The following STRN3 variants were observed in gnomAD, a reference collection of about 807,000 sequenced individuals.
The protein encoded by STRN3 is striatin-3.
A neutral mutation model predicts 95.6 loss-of-function variants in STRN3; 29 were observed. The ratio of observed to expected loss-of-function variants is 0.30; its 90% confidence interval spans 0.23 to 0.41. The LOEUF is 0.41. Among genes scored for constraint, STRN3 ranks in the 10% least tolerant of loss-of-function variants. STRN3 has a pLI of 1.00. For synonymous variants in STRN3, 331 were observed against 357.6 expected (o/e 0.93, Z 0.84); for missense variants, 890 against 972.1 (o/e 0.92, Z 1.12).
intron 1 of STRN3, chr14:31,025,116 A>T (rs1594605024): frequency 6.6e-6 from 1 of 152,238 alleles, no homozygotes; most frequent in Non-Finnish European, 1.5e-5. Context: ...AAATCTCTTC[A>T]GTCGTTTCAT....
In STRN3 at chr14:31,026,140, C is replaced by A; in HGVS notation, c.46G>T (p.Ala16Ser). 6.7e-7 allele frequency: 1 copy of A among 1,491,310 alleles called. No homozygotes were observed. The highest frequency in any genetic ancestry group is 8.9e-7 in the Non-Finnish European group (1 of 1,127,412). The allele number at this position is 1,491,310 out of a possible 1,614,324, so 92.4% of individuals were successfully genotyped here. The part of the protein sequence containing the change: ...GGGGGGPGMA[A>S]PPRQQQGPGG... ...GGTCCCTGCTGCTGCCGGGGAGGGG[C>A]CGCCATCCCCGGGCCGCCACCACCG... The change falls in exon 1 of 18, where the codon GCC becomes TCC. Residue 16 changes from alanine (A) to serine (S), a missense_variant. Coordinates refer to ENST00000357479, the MANE Select transcript of STRN3 (RefSeq NM_001083893.2).
Position 30,928,539 on chromosome 14 carries a change from G to A in STRN3, c.1099+662C>T, listed in dbSNP as rs183372678. Among the ~76,000 whole-genome samples the A allele has an allele frequency of 2.0e-3, 311 of 152,270 alleles. 4 individuals carry two copies. The East Asian group carries it at 0.031, about 15-fold the overall frequency. ...ATGGAAATGAATTGCTACTTTGAGA[G>A]AGGTACTATAGCAGATTTACATTTT... On this transcript the variant is annotated intron_variant, in intron 8 of 17. Coordinates refer to ENST00000357479, the MANE Select transcript of STRN3 (RefSeq NM_001083893.2).
chr14:30,899,195 C>A (rs1424182824), intron 16 of STRN3, among the ~76,000 whole-genome samples: 1 of 152,182 alleles, frequency 6.6e-6, no homozygotes, highest in Non-Finnish European at 1.5e-5. Context: ...ACAGCTGATA[C>A]AAGATCTTCC....
rs1896116958 is a variant in STRN3, at chr14:30,895,467, A to T, written c.2338T>A (p.Ser780Thr). ...CCTGCACTAGCTATATATGCTTTTGACGAGTGGAAAGCAACATCATAAATT... is the reference window on the plus strand; with the variant it reads ...CCTGCACTAGCTATATATGCTTTTGTCGAGTGGAAAGCAACATCATAAATT... ...ESIYDVAFHS[S>T]KAYIASAGAD... Residue 780 changes from serine (S) to threonine (T), a missense_variant, in exon 18 of 18, where the codon TCA (serine) becomes ACA (threonine). Physicochemically the swap from Ser to Thr is moderately conservative, Grantham distance 58. Coordinates refer to ENST00000357479, the MANE Select transcript of STRN3 (RefSeq NM_001083893.2). 1 of 1,613,914 alleles carries T rather than the reference A, an allele frequency of 6.2e-7. No homozygotes were observed. Among genetic ancestry groups the T allele is most frequent in the African/African-American group, 1.3e-5 (1 of 74,936 alleles).
chr14:30,939,419 T>C (rs1017077607), intron 5 of STRN3, among the ~76,000 whole-genome samples: 2 of 151,722 alleles, frequency 1.3e-5, no homozygotes, highest in African/African-American at 2.4e-5. Context: ...TGATGAAGAG[T>C]AGAAAAAGAT....
intron 8 of STRN3, among the ~76,000 whole-genome samples, chr14:30,919,358 A>AAG (rs201971944): frequency 8.7e-4 from 128 of 147,764 alleles, no homozygotes; most frequent in African/African-American, 2.1e-3. Flanking sequence ...TCTCTCTCTA[A>AAG]AGAGATATAT....
At chr14:30,903,310 G>C (rs1896374706) in intron 15 of STRN3, among the ~76,000 whole-genome samples, 1 of 151,978 alleles carries the variant, frequency 6.6e-6, no homozygotes, top group African/African-American at 2.4e-5. Flanking sequence ...TAAAAAAATA[G>C]GTTTGAGGAG....
At chr14:30,963,999 G>A (rs1192955872) in intron 1 of STRN3, among the ~76,000 whole-genome samples, 4 of 152,070 alleles carry the variant, frequency 2.6e-5, no homozygotes, top group African/African-American at 9.7e-5. Flanking sequence ...TGCCTGTAAT[G>A]CCAACACTTT....
chr14:30,921,266 AATTAT>A (rs1467063226), intron 8 of STRN3, among the ~76,000 whole-genome samples: 1 of 152,112 alleles, frequency 6.6e-6, no homozygotes, highest in Admixed American at 6.5e-5. Flanking sequence ...TAAATAATTT[AATTAT>A]ATGATAGTTA....
intron 3 of STRN3, among the ~76,000 whole-genome samples, chr14:30,952,777 TC>T (rs1355243890): frequency 6.6e-6 from 1 of 152,206 alleles, no homozygotes; most frequent in Non-Finnish European, 1.5e-5. Context: ...ATTATTTCAT[TC>T]TAATAGTCCC....
chr14:30,915,534 C>T (rs377220810), intron 9 of STRN3, among the ~76,000 whole-genome samples: 4 of 152,000 alleles, frequency 2.6e-5, no homozygotes, highest in African/African-American at 9.7e-5. Flanking sequence ...TCTTTTCCTA[C>T]CAATTATTAG....
rs571857587 is a variant in STRN3 at position 30,935,531 on chromosome 14, C to T, written c.847-227G>A. ...TGTGGCACTAAAAATGGTTTAAATG[C>T]TAATCATCAAGAACAGTTAACTTCT... On this transcript the variant is annotated intron_variant, in intron 6 of 17. Transcript: ENST00000357479. Among the ~76,000 whole-genome samples, 43 of 152,300 alleles carry T rather than the reference C, an allele frequency of 2.8e-4. No homozygotes were observed. In the East Asian group the frequency reaches 7.3e-3, roughly 26 times the overall value.
At chr14:30,972,759 T>C (rs1170540089) in intron 1 of STRN3, among the ~76,000 whole-genome samples, 3 of 152,188 alleles carry the variant, frequency 2.0e-5, no homozygotes, top group Non-Finnish European at 2.9e-5. Flanking sequence ...TGAGCTATGA[T>C]TGCGCCACTG....
Position 30,895,647 on chromosome 14 carries a change from G to C in STRN3, c.2224+15C>G. ...TTTATAAAGTTTGTGGGCAGTACAG[G>C]ACTTTAAGACTTACTTCCAGACATC... On this transcript the variant is annotated intron_variant, in intron 17 of 17. Coordinates refer to ENST00000357479, the MANE Select transcript of STRN3 (RefSeq NM_001083893.2). The C allele has an allele frequency of 6.2e-7, 1 of 1,612,362 alleles. No individual in the cohort carries two copies. Among genetic ancestry groups the C allele is most frequent in the Non-Finnish European group, 8.5e-7 (1 of 1,179,484 alleles).
At chr14:30,965,783 A>C (rs1459301892) in intron 1 of STRN3, among the ~76,000 whole-genome samples, 1 of 151,890 alleles carries the variant, frequency 6.6e-6, no homozygotes, top group Non-Finnish European at 1.5e-5. Context: ...AAAAAAAAAA[A>C]AAAAAACAAC....
At chr14:30,993,756 T>G (rs189911218) in intron 1 of STRN3, among the ~76,000 whole-genome samples, 193 of 151,698 alleles carry the variant, frequency 1.3e-3, no homozygotes, top group African/African-American at 4.3e-3. Flanking sequence ...CTCGGCTCAC[T>G]GCAACCTCGG....
chr14:30,929,967 A>AAACAAAAAAAAAC lies in STRN3; in HGVS notation c.989-657_989-656insGTTTTTTTTTGTT, dbSNP rs1555317340. Among the ~76,000 whole-genome samples the AAACAAAAAAAAAC allele has an allele frequency of 3.8e-4, 35 of 91,122 alleles. 2 individuals carry two copies. The highest frequency in any genetic ancestry group is 1.3e-3 in the African/African-American group (35 of 25,984). 59.8% of individuals were successfully genotyped at this position (91,122 alleles called of 152,430 possible). ...AACTAAGATTAGCAAAAAAAAAAAA[A>AAACAAAAAAAAAC]AAAAAAAAAAAACTCAAATTCCACT... On this transcript the variant is annotated intron_variant, in intron 7 of 17. Coordinates refer to ENST00000357479, the MANE Select transcript of STRN3 (RefSeq NM_001083893.2).
chr14:30,929,967 A>AAAAAAAACAAAAAAAAAC (rs1878430121), intron 7 of STRN3, among the ~76,000 whole-genome samples: 5 of 91,212 alleles, frequency 5.5e-5, no homozygotes, highest in African/African-American at 1.5e-4. Flanking sequence ...AAAAAAAAAA[A>AAAAAAAACAAAAAAAAAC]AAAAAAAAAA....
Position 31,025,941 on chromosome 14 carries a change from T to C in STRN3, c.245A>G (p.Glu82Gly), listed in dbSNP as rs867807044. The C allele has an allele frequency of 6.3e-7, 1 of 1,599,422 alleles. No homozygotes were observed. The highest frequency in any genetic ancestry group is 1.3e-5 in the African/African-American group (1 of 74,400). ...IQHEWARFEM[E>G]RAHWEVERAE... is the part of the protein sequence containing the mutation. ...CCGTTCCACCTCCCAGTGCGCCCGCTCCATCTCGAACCGAGCCCACTCGTG... is the reference window on the plus strand; with the variant it reads ...CCGTTCCACCTCCCAGTGCGCCCGCCCCATCTCGAACCGAGCCCACTCGTG... Residue 82 changes from glutamate (E) to glycine (G), a missense_variant, in exon 1 of 18, where the codon GAG becomes GGG. Physicochemically the swap from Glu to Gly is moderately conservative, Grantham distance 98. Coordinates refer to ENST00000357479, the MANE Select transcript of STRN3 (RefSeq NM_001083893.2).
Sources: allele counts gnomAD v4.1 joint callset (sites outside exome capture counted in the v4.1 genomes callset), GRCh38; gene constraint gnomAD v4.1.1; transcripts MANE v1.5; gene names NCBI Gene and HGNC (gene_info 2026-07-23, HGNC 2026-07-21).